Variants in SLC7A5 observed in about 807,000 individuals in gnomAD.
SLC7A5 encodes large neutral amino acids transporter small subunit 1.
SLC7A5 carries 23 observed loss-of-function variants against 50.2 expected under a neutral mutation model. The observed-to-expected ratio is 0.46, with a 90% CI of 0.33 to 0.65. SLC7A5 has a LOEUF of 0.65. SLC7A5 is among the 30% of genes least tolerant of loss of function. The probability of loss-of-function intolerance (pLI) is 0.02; values close to 1 mark genes in which losing one functional copy is unlikely to be tolerated. For missense variants in SLC7A5, 578 were observed against 684.4 expected, an observed-to-expected ratio of 0.84 and a Z score of 1.73; for synonymous variants, 393 against 330.6, an observed-to-expected ratio of 1.19 and a Z score of -2.05.
At position 87,860,336 on chromosome 16, in the gene SLC7A5, AAAAAT is replaced by A. The variant is rs2055376131; in HGVS notation, c.539-8492_539-8488del. 2.0e-5 allele frequency among the ~76,000 whole-genome samples: 2 copies of A among 97,834 alleles called. No homozygotes were observed. The highest frequency in any genetic ancestry group is 3.9e-4 in the South Asian group (1 of 2,540). 64.2% of individuals were successfully genotyped at this position (97,834 alleles called of 152,430 possible). A position where few individuals can be genotyped will look rare whatever the true frequency, so the allele number is the denominator to read the frequency against. Reference sequence around the variant, plus strand: ...TAACAAAAGCATCTCAAAAAAAAAAAAAAATACACACACACACACACACACACACA... The same window carrying A: ...TAACAAAAGCATCTCAAAAAAAAAAAACACACACACACACACACACACACA... On this transcript the variant is annotated intron_variant, in intron 1 of 9. Transcript: ENST00000261622. The surrounding 1 kb of genome is among the most constrained non-coding windows in gnomAD (Gnocchi z 4.8).
At position 87,869,433 on chromosome 16, in the gene SLC7A5, C is replaced by G. The variant is rs1322411061; in HGVS notation, c.-11G>C. 18 of 1,440,224 alleles carry G rather than the reference C, an allele frequency of 1.2e-5. No homozygotes were observed. Among genetic ancestry groups the G allele is most frequent in the Non-Finnish European group, 1.6e-5 (18 of 1,108,236 alleles). 89.2% of individuals were successfully genotyped at this position (1,440,224 alleles called of 1,614,324 possible). A position where few individuals can be genotyped will look rare whatever the true frequency, so the allele number is the denominator to read the frequency against. On this transcript the variant is annotated 5_prime_UTR_variant, in exon 1 of 10. Coordinates refer to ENST00000261622, the MANE Select transcript of SLC7A5 (RefSeq NM_003486.7). ...GCCCGCACCCGCCATGCTCTGCGCA[C>G]CGGCCGGGCCTGGGACACCCGGGAG...
At chr16:87,840,784 GC>G (rs2143737031) in intron 3 of SLC7A5, among the ~76,000 whole-genome samples, 1 of 152,360 alleles carries the variant, frequency 6.6e-6, no homozygotes, top group African/African-American at 2.4e-5. Flanking sequence ...GCAGGGCTCA[GC>G]CGCCTCCACC....
At chr16:87,851,492 C>T (rs1214834655) in intron 2 of SLC7A5, among the ~76,000 whole-genome samples, 2 of 152,232 alleles carry the variant, frequency 1.3e-5, no homozygotes, top group African/African-American at 4.8e-5. Flanking sequence ...ACAAGAAAAA[C>T]TGCCAGAGCC....
chr16:87,837,780 C>G, intron 7 of SLC7A5, 65 bp downstream of exon 7: 9 of 1,346,984 alleles, frequency 6.7e-6, no homozygotes, highest in Non-Finnish European at 9.3e-6. Flanking sequence ...CTGTGGCAGC[C>G]TCCCTCTGGG....
At chr16:87,865,920 T>C (rs922605696) in intron 1 of SLC7A5, among the ~76,000 whole-genome samples, 4 of 150,840 alleles carry the variant, frequency 2.7e-5, no homozygotes, top group East Asian at 2.0e-4. Context: ...GCTCCGGAGG[T>C]TGAGGCAGGA....
At chr16:87,863,191 A>C (rs1286162694) in intron 1 of SLC7A5, among the ~76,000 whole-genome samples, 1 of 152,222 alleles carries the variant, frequency 6.6e-6, no homozygotes, top group Non-Finnish European at 1.5e-5. Flanking sequence ...TCCACGATGC[A>C]GTGAGCCCAT....
chr16:87,842,821 G>A (rs150253582), intron 2 of SLC7A5, among the ~76,000 whole-genome samples: 52 of 152,166 alleles, frequency 3.4e-4, no homozygotes, highest in Middle Eastern at 3.4e-3. Context: ...GCCTGGAGCG[G>A]GGGCAGCTCA....
At chr16:87,848,719 AC>A (rs1212124521) in intron 2 of SLC7A5, among the ~76,000 whole-genome samples, 2 of 152,174 alleles carry the variant, frequency 1.3e-5, no homozygotes, top group Non-Finnish European at 2.9e-5. Flanking sequence ...TCTGGTCTGC[AC>A]CAGGGCCCCG....
At position 87,853,141 on chromosome 16, in the gene SLC7A5, G is replaced by A. The variant is rs760737023; in HGVS notation, c.539-1292C>T. Among the ~76,000 whole-genome samples the A allele has an allele frequency of 6.6e-6, 1 of 152,256 alleles. No individual in the cohort carries two copies. Among genetic ancestry groups the A allele is most frequent in the Non-Finnish European group, 1.5e-5 (1 of 68,046 alleles). On this transcript the variant is annotated intron_variant, in intron 1 of 9. Transcript: ENST00000261622. This position sits in a 1 kb window ranked among gnomAD's most constrained non-coding sequence, Gnocchi z 4.4. Reference sequence around the variant, plus strand: ...CCCCTTGGGAGTAACGCTCAGAAAGGTCTGGCCAGCCAAGGCCTTGAGGAC... The same window carrying A: ...CCCCTTGGGAGTAACGCTCAGAAAGATCTGGCCAGCCAAGGCCTTGAGGAC...
chr16:87,849,744 A>G (rs576508789), intron 2 of SLC7A5, among the ~76,000 whole-genome samples: 1 of 152,252 alleles, frequency 6.6e-6, no homozygotes, highest in African/African-American at 2.4e-5. Context: ...CTGAGGTCCC[A>G]GGAAGGTTCA....
chr16:87,836,302 C>T (rs879715351), intron 8 of SLC7A5, among the ~76,000 whole-genome samples, 196 bp downstream of exon 8: 3 of 152,274 alleles, frequency 2.0e-5, no homozygotes, highest in East Asian at 1.9e-4. Flanking sequence ...TGAGGAACCC[C>T]GGCTCCTGCA....
rs773835592 is a variant in SLC7A5, at chr16:87,860,387, CACACACACACACAT to C, written c.538+8484_538+8497del. ...ACACACACACACACACACACACACA[CACACACACACACAT>C]ATATATATAAAGAAAAAGGAAATCT... On this transcript the variant is annotated intron_variant, in intron 1 of 9. Coordinates refer to ENST00000261622, the MANE Select transcript of SLC7A5 (RefSeq NM_003486.7). This position sits in a 1 kb window ranked among gnomAD's most constrained non-coding sequence, Gnocchi z 4.8. 0.013 allele frequency among the ~76,000 whole-genome samples: 1,606 copies of C among 123,172 alleles called. 61 individuals carry two copies. The highest frequency in any genetic ancestry group is 0.017 in the Admixed American group (222 of 13,076). The allele number at this position is 123,172 out of a possible 152,430, so 80.8% of individuals were successfully genotyped here.
At chr16:87,863,986 A>AAAAAAAT (rs376938738) in intron 1 of SLC7A5, among the ~76,000 whole-genome samples, 3 of 83,280 alleles carry the variant, frequency 3.6e-5, no homozygotes, top group African/African-American at 1.2e-4. Context: ...ATCATTTAAA[A>AAAAAAAT]ATATATATAT....
chr16:87,838,272 T>C (rs1047414812), intron 6 of SLC7A5, among the ~76,000 whole-genome samples: 1 of 149,722 alleles, frequency 6.7e-6, no homozygotes, highest in Non-Finnish European at 1.5e-5. Context: ...ATTTCTGTAT[T>C]ATTTGGGCTT....
chr16:87,856,698 A>G (rs542413794), intron 1 of SLC7A5, among the ~76,000 whole-genome samples: 18 of 152,322 alleles, frequency 1.2e-4, no homozygotes, highest in Non-Finnish European at 2.1e-4. Context: ...CCCAGTGCAC[A>G]TGGGGCTTTA....
At chr16:87,850,811 G>A (rs1338047977) in intron 2 of SLC7A5, among the ~76,000 whole-genome samples, 2 of 152,186 alleles carry the variant, frequency 1.3e-5, no homozygotes, top group South Asian at 2.1e-4. Context: ...ACCCCAGCCC[G>A]ACCTCACCGC....
At chr16:87,839,656 C>G (rs377125059) in intron 5 of SLC7A5, 46 bp downstream of exon 5, 3 of 1,611,248 alleles carry the variant, frequency 1.9e-6, no homozygotes, top group Non-Finnish European at 2.5e-6. Flanking sequence ...ACGGGCTGGC[C>G]ACAGCCTCTC....
Position 87,836,854 on chromosome 16 carries a change from CGGGGAGGA to C in SLC7A5, c.1141-215_1141-208del, listed in dbSNP as rs987981989. 46 of 241,632 alleles carry C rather than the reference CGGGGAGGA, an allele frequency of 1.9e-4. 1 individual carries two copies. In the Admixed American group the frequency reaches 2.1e-3, roughly 11 times the overall value. The allele number at this position is 241,632 out of a possible 1,614,324, so 15.0% of individuals were successfully genotyped here. On this transcript the variant is annotated intron_variant, in intron 7 of 9. Transcript: ENST00000261622. ...AGGGAGGAGAGGAGGAGGGAAGAGGCGGGGAGGAGGGAAGGAGGGAGGAGAGGAGGGAA... is the reference window on the plus strand; with the variant it reads ...AGGGAGGAGAGGAGGAGGGAAGAGGCGGGAAGGAGGGAGGAGAGGAGGGAA...
intron 7 of SLC7A5, chr16:87,836,881 G>A: frequency 1.9e-6 from 1 of 533,574 alleles, no homozygotes; most frequent in Non-Finnish European, 3.4e-6. Context: ...GGGAGGAGAG[G>A]AGGGAAGGAG....
Sources: allele counts gnomAD v4.1 joint callset (sites outside exome capture counted in the v4.1 genomes callset), GRCh38; gene constraint gnomAD v4.1.1; non-coding constraint Gnocchi (gnomAD v3.1); transcripts MANE v1.5; gene names NCBI Gene and HGNC (gene_info 2026-07-23, HGNC 2026-07-21).